The following RAB3GAP1 variants were observed in gnomAD, a reference collection of about 807,000 sequenced individuals.
The protein encoded by RAB3GAP1 is rab3 GTPase-activating protein catalytic subunit.
A neutral mutation model predicts 130.7 loss-of-function variants in RAB3GAP1; 86 were observed. That is an observed-to-expected ratio of 0.66 (90% CI 0.55 to 0.79). The LOEUF is 0.79. RAB3GAP1 is among the 30% of genes least tolerant of loss of function. RAB3GAP1 has a pLI of 0.00. For missense variants in RAB3GAP1, 1,029 were observed against 1,169.4 expected (o/e 0.88, Z 1.75); for synonymous variants, 367 against 401.7 (o/e 0.91, Z 1.03).
intron 5 of RAB3GAP1, among the ~76,000 whole-genome samples, chr2:135,094,167 G>T (rs573621222): frequency 0.042 from 6,362 of 152,188 alleles, 451 homozygotes; most frequent in African/African-American, 0.15. Context: ...TCTGGGAATG[G>T]TGAGAACCCT....
chr2:135,113,891 C>T (rs1273748539), intron 6 of RAB3GAP1, among the ~76,000 whole-genome samples: 3 of 152,046 alleles, frequency 2.0e-5, no homozygotes, highest in Non-Finnish European at 2.9e-5. Context: ...AGGTGTTCAC[C>T]ACCCTTGGCT....
Position 135,115,396 on chromosome 2 carries a change from A to C in RAB3GAP1, c.648+15A>C. 6.2e-7 allele frequency: 1 copy of C among 1,603,368 alleles called. No homozygotes were observed. The highest frequency in any genetic ancestry group is 8.5e-7 in the Non-Finnish European group (1 of 1,170,776). ...AATCAAAGATTGTGAGTTGGGATTG[A>C]TATTGTCAGTCTTATCTGAGATCCA... On this transcript the variant is annotated intron_variant, in intron 7 of 23. Transcript: ENST00000264158.
At chr2:135,054,785 G>A (rs773890712) in intron 2 of RAB3GAP1, among the ~76,000 whole-genome samples, 3 of 152,164 alleles carry the variant, frequency 2.0e-5, no homozygotes, top group Admixed American at 6.5e-5. Flanking sequence ...TATTAACACC[G>A]TTATAAGAAC....
chr2:135,153,003 CAGT>C (rs952972854), intron 18 of RAB3GAP1: 1 of 152,690 alleles, frequency 6.5e-6, no homozygotes, highest in Non-Finnish European at 1.5e-5. Flanking sequence ...GCCTGAAAAA[CAGT>C]AGTTTGAATT....
intron 13 of RAB3GAP1, among the ~76,000 whole-genome samples, chr2:135,131,820 T>TAA (rs1333605560): frequency 6.6e-6 from 1 of 152,258 alleles, no homozygotes; most frequent in Admixed American, 6.5e-5. Flanking sequence ...TATGGGTCTT[T>TAA]GATAAATGAT....
At chr2:135,150,607 T>G (rs1271955760) in intron 18 of RAB3GAP1, 101 bp downstream of exon 18, 1 of 1,460,664 alleles carries the variant, frequency 6.8e-7, no homozygotes, top group Admixed American at 1.8e-5. Context: ...GAATGTCTTT[T>G]TGTTAAGTGT....
At chr2:135,055,721 C>A in intron 2 of RAB3GAP1, among the ~76,000 whole-genome samples, 1 of 149,890 alleles carries the variant, frequency 6.7e-6, no homozygotes, top group Non-Finnish European at 1.5e-5. Flanking sequence ...ACTGTAAAAA[C>A]TATATTTTAA....
chr2:135,159,393 CT>C (rs1692405459), intron 19 of RAB3GAP1, among the ~76,000 whole-genome samples: 1 of 152,194 alleles, frequency 6.6e-6, no homozygotes, highest in Non-Finnish European at 1.5e-5. Flanking sequence ...GTATGTACTC[CT>C]GACATGATGT....
chr2:135,110,854 G>T (rs889082048), intron 5 of RAB3GAP1, among the ~76,000 whole-genome samples: 1 of 152,110 alleles, frequency 6.6e-6, no homozygotes, highest in Non-Finnish European at 1.5e-5. Flanking sequence ...GGGTGGTTAC[G>T]CAGATAAATG....
intron 19 of RAB3GAP1, among the ~76,000 whole-genome samples, chr2:135,158,090 G>A (rs927693366): frequency 6.6e-6 from 1 of 152,056 alleles, no homozygotes; most frequent in Non-Finnish European, 1.5e-5. Flanking sequence ...GTGGACTTAC[G>A]AGTTTTTAAA....
chr2:135,087,838 C>T (rs1690029614), intron 3 of RAB3GAP1, among the ~76,000 whole-genome samples: 1 of 152,048 alleles, frequency 6.6e-6, no homozygotes, highest in African/African-American at 2.4e-5. Flanking sequence ...TAAATCTATA[C>T]ATTTATCTCT....
intron 11 of RAB3GAP1, among the ~76,000 whole-genome samples, chr2:135,127,035 C>T (rs1415842339): frequency 6.6e-6 from 1 of 151,972 alleles, no homozygotes; most frequent in Non-Finnish European, 1.5e-5. Flanking sequence ...GCCACCATGC[C>T]TGGCTAATTT....
chr2:135,056,037 T>C (rs1230220146), intron 2 of RAB3GAP1, among the ~76,000 whole-genome samples: 1 of 149,436 alleles, frequency 6.7e-6, no homozygotes, highest in Non-Finnish European at 1.5e-5. Context: ...GGGGTTTCAC[T>C]GTGTTAGCCA....
At chr2:135,117,453 TCTGCTTCTGCTTCTGCTTCTG>T (rs1558784084) in intron 7 of RAB3GAP1, among the ~76,000 whole-genome samples, 84 of 103,834 alleles carry the variant, frequency 8.1e-4, no homozygotes, top group African/African-American at 1.9e-3. Context: ...TTCTTCTTCT[TCTGCTTCTGCTTCTGCTTCTG>T]CTTCTTCTGC....
chr2:135,077,840 T>A (rs1418020685), intron 3 of RAB3GAP1, among the ~76,000 whole-genome samples: 1 of 152,238 alleles, frequency 6.6e-6, no homozygotes, highest in Non-Finnish European at 1.5e-5. Context: ...TGCCTATTTG[T>A]CTATGTTCTT....
At chr2:135,142,235 G>A (rs1246669100) in intron 17 of RAB3GAP1, among the ~76,000 whole-genome samples, 1 of 152,076 alleles carries the variant, frequency 6.6e-6, no homozygotes, top group African/African-American at 2.4e-5. Context: ...AGTTTTCAAT[G>A]TAGAGGTCTT....
At chr2:135,133,410 A>G (rs1227738602) in intron 14 of RAB3GAP1, among the ~76,000 whole-genome samples, 1 of 152,172 alleles carries the variant, frequency 6.6e-6, no homozygotes, top group African/African-American at 2.4e-5. Context: ...AATTTAAATG[A>G]CAAGTGTAGA....
chr2:135,063,950 A>G (rs1216741949), intron 3 of RAB3GAP1, among the ~76,000 whole-genome samples: 1 of 152,116 alleles, frequency 6.6e-6, no homozygotes, highest in African/African-American at 2.4e-5. Flanking sequence ...ATTTTGCCGT[A>G]TTTTTGAAGG....
At chr2:135,117,462 G>GCTTCTTCTTCTTCTT (rs1284949739) in intron 7 of RAB3GAP1, among the ~76,000 whole-genome samples, 2 of 41,784 alleles carry the variant, frequency 4.8e-5, no homozygotes, top group Admixed American at 2.8e-4. Context: ...TTCTGCTTCT[G>GCTTCTTCTTCTTCTT]CTTCTGCTTC....
Sources: allele counts gnomAD v4.1 joint callset (sites outside exome capture counted in the v4.1 genomes callset), GRCh38; gene constraint gnomAD v4.1.1; transcripts MANE v1.5; gene names NCBI Gene and HGNC (gene_info 2026-07-23, HGNC 2026-07-21).